Variants in NTRK1 observed in about 807,000 individuals in gnomAD.
NTRK1 encodes neurotrophic receptor tyrosine kinase 1, also known as high affinity nerve growth factor receptor.
Under a neutral mutation model 86.8 loss-of-function variants are expected in NTRK1, and 62 were observed. The ratio of observed to expected loss-of-function variants is 0.71; its 90% CI spans 0.58 to 0.88. The LOEUF (loss-of-function observed/expected upper bound fraction) is 0.88. Among genes scored for constraint, NTRK1 ranks in the 40% least tolerant of loss-of-function variants. NTRK1 has a pLI of 0.00. For missense variants in NTRK1, 967 were observed against 1,078.4 expected, an observed-to-expected ratio of 0.90 and a Z score of 1.45; for synonymous variants, 469 against 456.6, an observed-to-expected ratio of 1.03 and a Z score of -0.35.
At position 156,880,035 on chromosome 1, in the gene NTRK1, C is replaced by T. The variant is rs866288494; in HGVS notation, c.2083C>T (p.Pro695Ser). 6.2e-7 allele frequency: 1 copy of T among 1,613,496 alleles called. No homozygotes were observed. The highest frequency in any genetic ancestry group is 8.5e-7 in the Non-Finnish European group (1 of 1,179,986). Reference sequence around the variant, plus strand: ...CACCATGCTGCCCATTCGCTGGATGCCGCCCGAGAGCATCCTGTACCGTAA... The same window carrying T: ...CACCATGCTGCCCATTCGCTGGATGTCGCCCGAGAGCATCCTGTACCGTAA... ...GRTMLPIRWM[P>S]PESILYRKFT... The change falls in exon 16 of 17, where the codon CCG becomes TCG. Residue 695 changes from proline to serine, a missense_variant. Transcript: ENST00000524377.
At chr1:156,858,815 G>GCTCC (rs1655503374), upstream of NTRK1, 1 of 603,740 alleles carries the variant, frequency 1.7e-6, no homozygotes, top group Non-Finnish European at 3.0e-6. Flanking sequence ...GAGACACAAA[G>GCTCC]ACAGTGACAG....
chr1:156,849,465 G>A, intron 2 of NTRK1: 1 of 1,601,930 alleles, frequency 6.2e-7, no homozygotes, highest in Non-Finnish European at 8.5e-7. Flanking sequence ...TAGTTCCTGG[G>A]GGAGGCCAGG....
At chr1:156,816,178 G>C in intron 1 of NTRK1, 1 of 1,501,310 alleles carries the variant, frequency 6.7e-7, no homozygotes, top group Non-Finnish European at 8.9e-7. Flanking sequence ...CCAGGCTCAG[G>C]GGATCTGGAG....
At chr1:156,874,136 C>A (rs2102907473) in intron 8 of NTRK1, 177 bp downstream of exon 8, 1 of 867,136 alleles carries the variant, frequency 1.2e-6, no homozygotes, top group Non-Finnish European at 1.8e-6. Flanking sequence ...GCCAGGACTC[C>A]TGAACTCCTG....
intron 2 of NTRK1, chr1:156,851,700 G>C: frequency 6.2e-7 from 1 of 1,614,222 alleles, no homozygotes; most frequent in Non-Finnish European, 8.5e-7. Flanking sequence ...CAGCCCACAA[G>C]ATCCTGTGCC....
upstream of NTRK1, chr1:156,858,881 G>A: frequency 1.9e-6 from 1 of 520,264 alleles, no homozygotes; most frequent in Non-Finnish European, 3.5e-6. Flanking sequence ...CAGAGATGCA[G>A]ACAGTGACAG....
chr1:156,852,756 AGC>A (rs1281321337), intron 2 of NTRK1, among the ~76,000 whole-genome samples: 4 of 152,142 alleles, frequency 2.6e-5, no homozygotes, highest in African/African-American at 9.7e-5. Flanking sequence ...TGGCTATGGG[AGC>A]GATCTGTGGG....
At position 156,866,916 on chromosome 1, in the gene NTRK1, C is replaced by G. The variant is rs764843161; in HGVS notation, c.366C>G (p.Leu122=). The G allele has an allele frequency of 4.3e-6, 7 of 1,614,134 alleles. No individual in the cohort carries two copies. The highest frequency in any genetic ancestry group is 5.9e-6 in the Non-Finnish European group (7 of 1,180,046). Residue 122 remains leucine, a synonymous_variant, in exon 4 of 17, where the codon CTC becomes CTG. Coordinates refer to ENST00000524377, the MANE Select transcript of NTRK1 (RefSeq NM_002529.4). ...TGTGTCTCCACGCCCGCAGGAATCT[C>G]TCCTTCAACGCTCTGGAGTCTCTCT... The part of the protein sequence containing the change: ...HFTPRLSRLN[L]SFNALESLSW...
intron 6 of NTRK1, among the ~76,000 whole-genome samples, chr1:156,870,098 C>T (rs1647467315): frequency 1.3e-5 from 2 of 152,322 alleles, no homozygotes; most frequent in African/African-American, 4.8e-5. Context: ...GCAAAGCTGC[C>T]TAGAGTGAGT....
chr1:156,851,180 G>A lies in NTRK1; in HGVS notation c.50+8987G>A, dbSNP rs760066098. The stretch of plus-strand genomic sequence containing the variant: ...GAAGTTAACCTACTTAGAGTCACAC[G>A]CCTAGTGAGTAGCAAAATTGGTTCC... On this transcript the variant is annotated intron_variant, in intron 2 of 16. Coordinates refer to the NTRK1 transcript ENST00000392302. 58 of 1,189,646 alleles carry A rather than the reference G, an allele frequency of 4.9e-5. No individual in the cohort carries two copies. The East Asian group carries it at 5.1e-4, about 11-fold the overall frequency. 73.7% of individuals were successfully genotyped at this position (1,189,646 alleles called of 1,614,324 possible). A position where few individuals can be genotyped will look rare whatever the true frequency, so the allele number is the denominator to read the frequency against.
At chr1:156,870,720 T>G (rs952903626) in intron 6 of NTRK1, among the ~76,000 whole-genome samples, 1 of 152,214 alleles carries the variant, frequency 6.6e-6, no homozygotes, top group Non-Finnish European at 1.5e-5. Flanking sequence ...TATCCACCAC[T>G]TCATTATTTT....
intron 2 of NTRK1, chr1:156,845,672 G>A (rs1476621456): frequency 2.5e-6 from 4 of 1,610,894 alleles, no homozygotes; most frequent in Non-Finnish European, 3.4e-6. Flanking sequence ...TCTGGAACGA[G>A]GCCTCTTGCG....
intron 8 of NTRK1, 119 bp downstream of exon 8, chr1:156,874,078 C>T (rs1647743945): frequency 1.8e-6 from 2 of 1,086,466 alleles, no homozygotes; most frequent in African/African-American, 3.1e-5. Flanking sequence ...AGAAAGGAGT[C>T]TGGAGTCCTG....
In NTRK1 at chr1:156,866,951, C is replaced by A. The variant is rs778963822; in HGVS notation, c.401C>A (p.Thr134Asn). Reference protein sequence around the residue: ...FNALESLSWKTVQGLSLQELV... With the variant: ...FNALESLSWKNVQGLSLQELV... ...GCTCTGGAGTCTCTCTCCTGGAAAACTGTGCAGGGCCTCTCCTTACAGGAA... is the reference window on the plus strand; with the variant it reads ...GCTCTGGAGTCTCTCTCCTGGAAAAATGTGCAGGGCCTCTCCTTACAGGAA... The change falls in exon 4 of 17, where the codon ACT becomes AAT. Residue 134 changes from threonine to asparagine, a missense_variant. Coordinates refer to ENST00000524377, the MANE Select transcript of NTRK1 (RefSeq NM_002529.4). 11 of 1,614,270 alleles carry A rather than the reference C, an allele frequency of 6.8e-6. No individual in the cohort carries two copies. Among genetic ancestry groups the A allele is most frequent in the Non-Finnish European group, 8.5e-6 (10 of 1,180,048 alleles).
At position 156,876,531 on chromosome 1, in the gene NTRK1, C is replaced by CT; in HGVS notation, c.1767dup (p.Glu590Ter). 9 of 1,613,480 alleles carry CT rather than the reference C, an allele frequency of 5.6e-6. No homozygotes were observed. The highest frequency in any genetic ancestry group is 7.6e-6 in the Non-Finnish European group (9 of 1,179,996). ...CCGAGGGCCGCCCCCTGCTCATGGTCTTTGAGTATATGCGGCACGGGGACC... is the reference window on the plus strand; with the variant it reads ...CCGAGGGCCGCCCCCTGCTCATGGTCTTTTGAGTATATGCGGCACGGGGACC... On this transcript the variant is annotated frameshift_variant, in exon 14 of 17. Coordinates refer to ENST00000524377, the MANE Select transcript of NTRK1 (RefSeq NM_002529.4). LOFTEE classifies it high-confidence loss of function.
intron 2 of NTRK1, among the ~76,000 whole-genome samples, chr1:156,848,722 G>C (rs1655094154): frequency 6.6e-6 from 1 of 152,188 alleles, no homozygotes; most frequent in African/African-American, 2.4e-5. Context: ...CACTTGGTGA[G>C]GGGAAACCGA....
chr1:156,823,330 G>A (rs967128875), intron 1 of NTRK1, among the ~76,000 whole-genome samples: 1 of 152,212 alleles, frequency 6.6e-6, no homozygotes, highest in Admixed American at 6.5e-5. Context: ...CCACAAAGGG[G>A]TTTTCCCCAG....
intron 2 of NTRK1, chr1:156,845,208 G>A: frequency 6.2e-7 from 1 of 1,609,334 alleles, no homozygotes; most frequent in South Asian, 1.1e-5. Flanking sequence ...GCTCGCTCAC[G>A]GGGCACCTTG....
In NTRK1 at chr1:156,874,593, C is replaced by A. The variant is rs1367419890; in HGVS notation, c.1218C>A (p.Asp406Glu). ...CAGACACTAACAGCACATCTGGAGA[C>A]CCGGTGGAGAAGAAGGACGAAACAC... ...SPVDTNSTSG[D>E]PVEKKDETPF... Residue 406 changes from aspartate (D) to glutamate (E), a missense_variant, in exon 10 of 17, where the codon GAC (aspartate) becomes GAA (glutamate). Coordinates refer to ENST00000524377, the MANE Select transcript of NTRK1 (RefSeq NM_002529.4). 6.2e-7 allele frequency: 1 copy of A among 1,614,152 alleles called. No homozygotes were observed. Among genetic ancestry groups the A allele is most frequent in the East Asian group, 2.2e-5 (1 of 44,886 alleles).
Sources: allele counts gnomAD v4.1 joint callset (sites outside exome capture counted in the v4.1 genomes callset), GRCh38; gene constraint gnomAD v4.1.1; transcripts MANE v1.5; gene names NCBI Gene and HGNC (gene_info 2026-07-23, HGNC 2026-07-21).